The following DYNC2I1 variants were observed in gnomAD, a reference collection of about 807,000 sequenced individuals.
The protein encoded by DYNC2I1 is cytoplasmic dynein 2 intermediate chain 1.
Under a neutral mutation model 133.4 loss-of-function variants are expected in DYNC2I1, and 89 were observed. The ratio of observed to expected loss-of-function variants is 0.67; its 90% CI spans 0.56 to 0.80. The LOEUF is 0.80. Ranked by LOEUF, DYNC2I1 falls within the 30% of genes least tolerant of loss-of-function variation. The pLI, the probability that DYNC2I1 is intolerant of heterozygous loss-of-function variation, is 0.00. For synonymous variants in DYNC2I1, 504 were observed against 484.3 expected (o/e 1.04, Z -0.54); for missense variants, 1,291 against 1,314.5 (o/e 0.98, Z 0.28).
intron 5 of DYNC2I1, among the ~76,000 whole-genome samples, chr7:158,881,669 G>A (rs529734050): frequency 2.0e-5 from 3 of 152,192 alleles, no homozygotes; most frequent in South Asian, 2.1e-4. Flanking sequence ...TAGCCAGGAT[G>A]GTCTCAATCT....
At chr7:158,887,631 T>C (rs1047745492) in intron 7 of DYNC2I1, among the ~76,000 whole-genome samples, 1 of 152,250 alleles carries the variant, frequency 6.6e-6, no homozygotes, top group African/African-American at 2.4e-5. Context: ...CTAAAACTGC[T>C]GGAAGCAGTA....
chr7:158,953,609 A>G (rs262146), intron 4 of DYNC2I1, among the ~76,000 whole-genome samples: 116,615 of 152,056 alleles, frequency 0.77, 45,298 homozygotes, highest in Non-Finnish European at 0.82. Flanking sequence ...GCTGGGGGCG[A>G]ATGGTGGCAC....
intron 1 of DYNC2I1, among the ~76,000 whole-genome samples, chr7:158,860,027 A>G (rs1418099586): frequency 6.6e-6 from 1 of 151,730 alleles, no homozygotes; most frequent in African/African-American, 2.4e-5. Flanking sequence ...TACTGGAATA[A>G]AATTGTATTG....
Position 158,884,586 on chromosome 7 carries a change from G to A in DYNC2I1, c.902G>A (p.Gly301Asp), listed in dbSNP as rs140596100. 19 of 1,613,042 alleles carry A rather than the reference G, an allele frequency of 1.2e-5. No individual in the cohort carries two copies. The highest frequency in any genetic ancestry group is 2.7e-5 in the African/African-American group (2 of 74,886). ...ESQNGEHRNR[G>D]ASSKRDGTSS... is the part of the protein sequence containing the mutation. ...TAGAATGGTGAACACAGAAATCGAGGTGCAAGCTCAAAAAGAGATGGGACC... is the reference window on the plus strand; with the variant it reads ...TAGAATGGTGAACACAGAAATCGAGATGCAAGCTCAAAAAGAGATGGGACC... The change falls in exon 6 of 25, where the codon GGT (glycine) becomes GAT (aspartate). Residue 301 changes from glycine (G) to aspartate (D), a missense_variant. Coordinates refer to ENST00000407559, the MANE Select transcript of DYNC2I1 (RefSeq NM_018051.5).
chr7:158,923,743 A>G lies in DYNC2I1; in HGVS notation c.2257+10A>G, dbSNP rs747339634. On this transcript the variant is annotated intron_variant, in intron 17 of 24. Coordinates refer to ENST00000407559, the MANE Select transcript of DYNC2I1 (RefSeq NM_018051.5). ...GCCACGTTTTCCACCGGTCAGTGTC[A>G]TCTGCCTGCCAATTGTGTGTCTGCT... is the stretch of plus-strand genomic sequence containing the variant. The G allele has an allele frequency of 6.1e-5, 97 of 1,596,710 alleles. No homozygotes were observed. The Admixed American group carries it at 1.7e-3, about 27-fold the overall frequency.
intron 8 of DYNC2I1, among the ~76,000 whole-genome samples, chr7:158,897,857 T>C (rs540967236): frequency 1.3e-5 from 2 of 152,380 alleles, no homozygotes; most frequent in South Asian, 4.1e-4. Context: ...TAGATCTTTC[T>C]TCTTTTCTAA....
chr7:158,840,241 T>C, the DYNC2I1 span, among the ~76,000 whole-genome samples: 2 of 151,592 alleles, frequency 1.3e-5, no homozygotes, highest in Non-Finnish European at 2.9e-5. Context: ...AAGTGAGACA[T>C]TGTCTACAAA....
chr7:158,900,998 T>C (rs1405183731), intron 8 of DYNC2I1, among the ~76,000 whole-genome samples: 1 of 152,174 alleles, frequency 6.6e-6, no homozygotes, highest in Non-Finnish European at 1.5e-5. Context: ...GATGTCCTCA[T>C]AGTTGTTTTA....
chr7:158,956,280 G>A (rs1036380733), intron 4 of DYNC2I1, among the ~76,000 whole-genome samples: 2 of 152,222 alleles, frequency 1.3e-5, no homozygotes, highest in African/African-American at 4.8e-5. Context: ...GCACGACCCT[G>A]AATCAGGGAC....
intron 8 of DYNC2I1, among the ~76,000 whole-genome samples, chr7:158,894,112 T>TGCATATCCTACCGCGTATCATACC (rs1845523873): frequency 2.1e-5 from 1 of 48,632 alleles, no homozygotes; most frequent in Non-Finnish European, 5.8e-5. Context: ...CATATCCTAC[T>TGCATATCCTACCGCGTATCATACC]GCATATCCTA....
intron 21 of DYNC2I1, among the ~76,000 whole-genome samples, chr7:158,932,131 A>G (rs918293848): frequency 6.6e-6 from 1 of 152,152 alleles, no homozygotes; most frequent in African/African-American, 2.4e-5. Context: ...GAGTGTCCCC[A>G]GGAGGACATT....
chr7:158,846,886 G>A, the DYNC2I1 span, among the ~76,000 whole-genome samples: 1 of 152,138 alleles, frequency 6.6e-6, no homozygotes, highest in Admixed American at 6.6e-5. Flanking sequence ...TTTGAAAACA[G>A]GAAAATGAAA....
At chr7:158,876,030 A>G (rs561213563) in intron 3 of DYNC2I1, among the ~76,000 whole-genome samples, 65 of 152,302 alleles carry the variant, frequency 4.3e-4, no homozygotes, top group African/African-American at 1.4e-3. Context: ...CTGTCCTCAT[A>G]CTGCTGTAAA....
chr7:158,931,667 C>T (rs761332116), intron 21 of DYNC2I1, among the ~76,000 whole-genome samples: 13 of 152,154 alleles, frequency 8.5e-5, no homozygotes, highest in Non-Finnish European at 1.8e-4. Flanking sequence ...CTAATCTGTC[C>T]GCTGTTTGGG....
At chr7:158,939,192 G>T (rs1269037801) in intron 23 of DYNC2I1, among the ~76,000 whole-genome samples, 2 of 152,152 alleles carry the variant, frequency 1.3e-5, no homozygotes, top group Non-Finnish European at 1.5e-5. Flanking sequence ...CACTTTGGGA[G>T]GCTGAGGTGG....
the DYNC2I1 span, among the ~76,000 whole-genome samples, chr7:158,844,652 C>T: frequency 6.6e-6 from 1 of 151,506 alleles, no homozygotes; most frequent in South Asian, 2.1e-4. Context: ...GATGGAGTTT[C>T]GCTCTTGTTG....
At chr7:158,839,712 C>T in the DYNC2I1 span, among the ~76,000 whole-genome samples, 5 of 151,790 alleles carry the variant, frequency 3.3e-5, no homozygotes, top group African/African-American at 9.7e-5. Context: ...CCCAGCTACT[C>T]GGGAGGCTGA....
chr7:158,919,577 G>T (rs542505833), intron 15 of DYNC2I1, among the ~76,000 whole-genome samples: 1 of 152,208 alleles, frequency 6.6e-6, no homozygotes, highest in Non-Finnish European at 1.5e-5. Context: ...TTGGTAGCAG[G>T]TGCGGGTGTG....
intron 10 of DYNC2I1, chr7:158,902,886 T>A: frequency 2.8e-6 from 1 of 359,660 alleles, no homozygotes; most frequent in Non-Finnish European, 5.0e-6. Flanking sequence ...TGAGCACTGA[T>A]GCTCCTGTTC....
Sources: gnomAD v4.1 joint callset for allele counts (sites outside exome capture counted in the v4.1 genomes callset) on GRCh38, gnomAD v4.1.1 for gene constraint, MANE v1.5 for transcripts, NCBI Gene and HGNC (gene_info 2026-07-23, HGNC 2026-07-21) for gene names.